RELN: variants seen among roughly 807,000 people sequenced by gnomAD.
RELN encodes reelin.
Under a neutral mutation model 427.6 loss-of-function variants are expected in RELN, and 108 were observed. That is an observed-to-expected ratio of 0.25 (90% CI 0.22 to 0.30). RELN has a LOEUF of 0.30. Ranked by LOEUF, RELN falls within the 10% of genes least tolerant of loss-of-function variation. The pLI, the probability that RELN is intolerant of heterozygous loss-of-function variation, is 1.00. For missense variants in RELN, 3,715 were observed against 4,302.8 expected (o/e 0.86, Z 3.82); for synonymous variants, 1,524 against 1,513.4 (o/e 1.01, Z -0.16).
chr7:103,791,794 C>T (rs564989929), intron 3 of RELN, among the ~76,000 whole-genome samples: 2 of 151,866 alleles, frequency 1.3e-5, no homozygotes, highest in African/African-American at 2.4e-5. Context: ...AAAAAAAAGA[C>T]CCACAGAATG....
At chr7:103,772,211 CA>C (rs1344883555) in intron 4 of RELN, among the ~76,000 whole-genome samples, 1 of 152,058 alleles carries the variant, frequency 6.6e-6, no homozygotes, top group African/African-American at 2.4e-5. Context: ...TTAGAGATTC[CA>C]TAGTAAAAAG....
In RELN at chr7:103,917,126, T is replaced by C. The variant is rs564088219; in HGVS notation, c.286A>G (p.Thr96Ala). The change falls in exon 2 of 65, where the codon ACA (threonine) becomes GCA (alanine). Residue 96 changes from threonine (T) to alanine (A), a missense_variant. Coordinates refer to ENST00000428762, the MANE Select transcript of RELN (RefSeq NM_005045.4). ...ATGCTCTGTGATGCCTGAACACTTG[T>C]AGATGTGTATAGTCCTGTCACCAGC... ...GLLVTGLYTSTSVQASQSIGG... is the reference protein window; with the variant it reads ...GLLVTGLYTSASVQASQSIGG... 7.4e-6 allele frequency: 12 copies of C among 1,613,578 alleles called. No individual in the cohort carries two copies. The highest frequency in any genetic ancestry group is 2.2e-5 in the East Asian group (1 of 44,848).
intron 28 of RELN, among the ~76,000 whole-genome samples, chr7:103,583,074 T>C (rs1461466527): frequency 1.3e-5 from 2 of 152,200 alleles, no homozygotes; most frequent in African/African-American, 4.8e-5. Flanking sequence ...TGCCAAACTT[T>C]ACAGGCTGTG....
intron 28 of RELN, among the ~76,000 whole-genome samples, chr7:103,584,845 G>A (rs146206359): frequency 1.3e-5 from 2 of 152,200 alleles, no homozygotes; most frequent in East Asian, 1.9e-4. Context: ...TTTAAAAATC[G>A]AAATTATAGT....
intron 24 of RELN, among the ~76,000 whole-genome samples, chr7:103,600,846 T>A (rs1831649441): frequency 6.6e-6 from 1 of 152,210 alleles, no homozygotes. Context: ...AATTTGGAAT[T>A]TATTGTCATA....
chr7:103,518,724 TTC>T (rs1829633524), intron 49 of RELN, among the ~76,000 whole-genome samples: 2 of 152,068 alleles, frequency 1.3e-5, no homozygotes, highest in South Asian at 4.2e-4. Context: ...TCTTTCTGTC[TTC>T]TCTTTTCTTA....
chr7:103,792,880 A>T (rs1792202522), intron 3 of RELN, among the ~76,000 whole-genome samples: 1 of 152,200 alleles, frequency 6.6e-6, no homozygotes, highest in Non-Finnish European at 1.5e-5. Context: ...GCATAATAAT[A>T]CTGGGGACAG....
intron 3 of RELN, among the ~76,000 whole-genome samples, chr7:103,807,533 G>A (rs1462107470): frequency 6.6e-6 from 1 of 152,072 alleles, no homozygotes; most frequent in African/African-American, 2.4e-5. Context: ...ATGTCACTGA[G>A]GCTTGGTGTA....
At position 103,834,599 on chromosome 7, in the gene RELN, A is replaced by G. The variant is rs148215050; in HGVS notation, c.338-927T>C. ...ATAAAATAGTAATAAATAACTCAAC[A>G]ACTAAAAAACAAACAACCTAATTAA... is the stretch of plus-strand genomic sequence containing the variant. On this transcript the variant is annotated intron_variant, in intron 2 of 64. Coordinates refer to ENST00000428762, the MANE Select transcript of RELN (RefSeq NM_005045.4). 4.5e-4 allele frequency among the ~76,000 whole-genome samples: 68 copies of G among 152,310 alleles called. 3 individuals carry two copies. The highest frequency in any genetic ancestry group is 1.6e-3 in the African/African-American group (65 of 41,576).
chr7:103,881,470 A>G (rs1446013725), intron 2 of RELN, among the ~76,000 whole-genome samples: 2 of 149,066 alleles, frequency 1.3e-5, no homozygotes, highest in African/African-American at 4.9e-5. Flanking sequence ...CAACAAACCT[A>G]AAGCTCTTTC....
intron 8 of RELN, among the ~76,000 whole-genome samples, chr7:103,720,142 T>C (rs902599846): frequency 6.6e-6 from 1 of 151,446 alleles, no homozygotes; most frequent in African/African-American, 2.4e-5. Flanking sequence ...TATACATATA[T>C]AATGTAATAT....
In RELN at chr7:103,620,666, G is replaced by T. The variant is rs766080645; in HGVS notation, c.2703-8863C>A. ...TTTCTGTATTTTTAGTAGAGATGAG[G>T]TTCCATCATGTTGGCCAGGCTGGTC... On this transcript the variant is annotated intron_variant, in intron 20 of 64. Coordinates refer to ENST00000428762, the MANE Select transcript of RELN (RefSeq NM_005045.4). The surrounding 1 kb of genome is among the most constrained non-coding windows in gnomAD (Gnocchi z 4.1). Among the ~76,000 whole-genome samples, 30 of 152,056 alleles carry T rather than the reference G, an allele frequency of 2.0e-4. No homozygotes were observed. The highest frequency in any genetic ancestry group is 3.1e-4 in the Non-Finnish European group (21 of 67,998).
intron 28 of RELN, among the ~76,000 whole-genome samples, chr7:103,580,916 C>A (rs981930118): frequency 1.3e-5 from 2 of 152,134 alleles, no homozygotes; most frequent in Non-Finnish European, 2.9e-5. Context: ...TGGCACATTA[C>A]ACTGATCTAT....
chr7:103,757,338 T>C (rs1165219719), intron 4 of RELN, among the ~76,000 whole-genome samples: 1 of 152,188 alleles, frequency 6.6e-6, no homozygotes, highest in Non-Finnish European at 1.5e-5. Flanking sequence ...GAACTAGCTC[T>C]AGATTGAATC....
chr7:103,510,705 G>A, intron 51 of RELN, 146 bp downstream of exon 51: 1 of 685,496 alleles, frequency 1.5e-6, no homozygotes, highest in African/African-American at 1.8e-5. Flanking sequence ...GCAATGTATA[G>A]TTGAGTTGTA....
At chr7:103,566,169 A>T in intron 33 of RELN, 55 bp downstream of exon 33, 1 of 1,451,886 alleles carries the variant, frequency 6.9e-7, no homozygotes, top group Non-Finnish European at 9.7e-7. Context: ...ACTTTTAGTT[A>T]ATTTAGTCCT....
intron 24 of RELN, among the ~76,000 whole-genome samples, chr7:103,601,918 C>T (rs748700510): frequency 1.3e-5 from 2 of 152,128 alleles, no homozygotes; most frequent in African/African-American, 4.8e-5. Context: ...GGGAAGCTGA[C>T]TACTGCAAGA....
At chr7:103,495,646 G>C (rs1237007216) in intron 57 of RELN, 77 bp downstream of exon 57, 1 of 1,316,078 alleles carries the variant, frequency 7.6e-7, no homozygotes, top group Non-Finnish European at 1.1e-6. Context: ...TTTCCTTATA[G>C]TTGTCTGACT....
chr7:103,526,701 T>C (rs955268057), intron 46 of RELN, among the ~76,000 whole-genome samples: 5 of 152,222 alleles, frequency 3.3e-5, no homozygotes, highest in Admixed American at 3.3e-4. Flanking sequence ...GTGAAGGGGC[T>C]ACATCACTTA....
Sources: allele counts gnomAD v4.1 joint callset (sites outside exome capture counted in the v4.1 genomes callset), GRCh38; gene constraint gnomAD v4.1.1; non-coding constraint Gnocchi (gnomAD v3.1); transcripts MANE v1.5; gene names NCBI Gene and HGNC (gene_info 2026-07-23, HGNC 2026-07-21).